Variants in CETN3 observed in about 807,000 individuals in gnomAD.
CETN3 encodes the protein centrin 3, also known as centrin-3.
A neutral mutation model predicts 20.1 loss-of-function variants in CETN3; 17 were observed. That is an observed-to-expected ratio of 0.85 (90% confidence interval 0.58 to 1.27). CETN3 has a LOEUF of 1.27. Ranked by LOEUF, CETN3 falls within the 50% of genes most tolerant of loss-of-function variation. The pLI is 0.00. For missense variants in CETN3, 169 were observed against 191.2 expected, an observed-to-expected ratio of 0.88 and a Z score of 0.69; for synonymous variants, 52 against 59.7, an observed-to-expected ratio of 0.87 and a Z score of 0.59.
At chr5:90,401,102 G>A (rs748822818) in intron 3 of CETN3, among the ~76,000 whole-genome samples, 1 of 152,138 alleles carries the variant, frequency 6.6e-6, no homozygotes, top group Non-Finnish European at 1.5e-5. Flanking sequence ...GGGTGATTGG[G>A]GAACAGATGG....
intron 3 of CETN3, among the ~76,000 whole-genome samples, chr5:90,401,247 T>C (rs986168216): frequency 1.3e-5 from 2 of 152,190 alleles, no homozygotes; most frequent in African/African-American, 2.4e-5. Flanking sequence ...TAAATGCTCA[T>C]CATTTTGGAC....
At chr5:90,405,440 C>G in intron 3 of CETN3, 1 of 455,246 alleles carries the variant, frequency 2.2e-6, no homozygotes, top group Non-Finnish European at 3.8e-6. Context: ...CTATAAAAAG[C>G]TACACAATAG....
At chr5:90,403,609 C>T (rs928260285) in intron 3 of CETN3, among the ~76,000 whole-genome samples, 1 of 152,042 alleles carries the variant, frequency 6.6e-6, no homozygotes, top group Non-Finnish European at 1.5e-5. Context: ...CGGTGGCTCA[C>T]GCCTGTAATC....
At position 90,409,749 on chromosome 5, in the gene CETN3, C is replaced by T. The variant is rs909216925; in HGVS notation, c.-88G>A. On this transcript the variant is annotated 5_prime_UTR_variant, in exon 1 of 5. In the 5' UTR this introduces an upstream ATG that the reference lacks. Transcript: ENST00000283122. ...GACGCCCACAGCCGTTCAACAGACA[C>T]GAACGACCTCAGCGGCCTCAGGGAC... 1.3e-6 allele frequency: 2 copies of T among 1,501,816 alleles called. No homozygotes were observed. The highest frequency in any genetic ancestry group is 1.9e-6 in the Non-Finnish European group (2 of 1,078,770). The allele number at this position is 1,501,816 out of a possible 1,614,324, so 93.0% of individuals were successfully genotyped here. A position where few individuals can be genotyped will look rare whatever the true frequency, so the allele number is the denominator to read the frequency against.
At chr5:90,405,028 T>C (rs993316480) in intron 3 of CETN3, among the ~76,000 whole-genome samples, 3 of 152,168 alleles carry the variant, frequency 2.0e-5, no homozygotes, top group Non-Finnish European at 4.4e-5. Context: ...TAAAATCAAC[T>C]ATAAAAAAAT....
rs778082394 is a variant in CETN3 at position 90,399,397 on chromosome 5, C to T, written c.421G>A (p.Ala141Thr). 6.2e-7 allele frequency: 1 copy of T among 1,614,004 alleles called. No homozygotes were observed. The highest frequency in any genetic ancestry group is 8.5e-7 in the Non-Finnish European group (1 of 1,179,958). Residue 141 changes from alanine (A) to threonine (T), a missense_variant, in exon 4 of 5, where the codon GCT (alanine) becomes ACT (threonine). By Grantham distance (58) the Ala-to-Thr change is moderately conservative (BLOSUM62 0). Transcript: ENST00000283122. ...GENMSDEELRAMIEEFDKDGD... is the reference protein window; with the variant it reads ...GENMSDEELRTMIEEFDKDGD... ...TCTTTGTCAAATTCTTCTATCATAG[C>T]TCGAAGTTCTTCATCACTCATGTTT...
intron 3 of CETN3, 116 bp downstream of exon 3, chr5:90,405,569 T>C: frequency 2.9e-6 from 2 of 686,262 alleles, no homozygotes; most frequent in South Asian, 1.7e-5. Context: ...AGTCACATTA[T>C]ACACCAGTGT....
intron 4 of CETN3, among the ~76,000 whole-genome samples, chr5:90,398,112 T>C (rs879689097): frequency 6.6e-6 from 1 of 152,108 alleles, no homozygotes; most frequent in African/African-American, 2.4e-5. Context: ...TTTATGTCTA[T>C]CTTGTAGTAC....
At chr5:90,406,896 A>G (rs1376777094) in intron 2 of CETN3, among the ~76,000 whole-genome samples, 1 of 151,678 alleles carries the variant, frequency 6.6e-6, no homozygotes, top group Non-Finnish European at 1.5e-5. Flanking sequence ...GAGGACTGCA[A>G]GATTGAGAAA....
Position 90,409,280 on chromosome 5 carries a change from T to C in CETN3, c.17+365A>G, listed in dbSNP as rs376150198. Among the ~76,000 whole-genome samples, 12 of 152,140 alleles carry C rather than the reference T, an allele frequency of 7.9e-5. No individual in the cohort carries two copies. The East Asian group carries it at 2.1e-3, about 27-fold the overall frequency. ...TGCATTAGCAGCGGAGCAGCCGAGGTGGGGCCCTGACCAGGCACACGGATG... is the reference window on the plus strand; with the variant it reads ...TGCATTAGCAGCGGAGCAGCCGAGGCGGGGCCCTGACCAGGCACACGGATG... On this transcript the variant is annotated intron_variant, in intron 1 of 4. Transcript: ENST00000283122.
Position 90,409,738 on chromosome 5 carries a change from T to C in CETN3, c.-77A>G. The C allele has an allele frequency of 6.4e-7, 1 of 1,568,792 alleles. No individual in the cohort carries two copies. The highest frequency in any genetic ancestry group is 8.8e-7 in the Non-Finnish European group (1 of 1,139,358). On this transcript the variant is annotated 5_prime_UTR_variant, in exon 1 of 5. Transcript: ENST00000283122. ...CAAGGCAGCAAGACGCCCACAGCCG[T>C]TCAACAGACACGAACGACCTCAGCG...
chr5:90,406,550 A>C (rs1044438854), intron 2 of CETN3, among the ~76,000 whole-genome samples: 1 of 151,920 alleles, frequency 6.6e-6, no homozygotes, highest in African/African-American at 2.4e-5. Context: ...GAAAGCAGTT[A>C]GCAAATGAAA....
intron 4 of CETN3, chr5:90,396,197 G>A: frequency 1.0e-6 from 1 of 985,314 alleles, no homozygotes; most frequent in Non-Finnish European, 1.2e-6. Flanking sequence ...ATGCCTCACA[G>A]AAATAAGCTA....
intron 4 of CETN3, among the ~76,000 whole-genome samples, chr5:90,394,909 G>T (rs75248391): frequency 3.9e-5 from 6 of 151,994 alleles, no homozygotes; most frequent in Admixed American, 6.6e-5. Flanking sequence ...ATATGCGCAC[G>T]TATCAATTAA....
chr5:90,406,604 C>T (rs1749450699), intron 2 of CETN3, among the ~76,000 whole-genome samples: 1 of 151,508 alleles, frequency 6.6e-6, no homozygotes, highest in South Asian at 2.1e-4. Flanking sequence ...CAGTAGAAAG[C>T]AAAGGAATCT....
intron 4 of CETN3, chr5:90,396,076 G>T (rs1322620481): frequency 1.1e-6 from 1 of 950,252 alleles, no homozygotes; most frequent in Non-Finnish European, 1.3e-6. Context: ...TTAGGTAAAG[G>T]TAAATCATTA....
intron 3 of CETN3, among the ~76,000 whole-genome samples, chr5:90,401,719 C>T (rs2151882975): frequency 6.6e-6 from 1 of 152,314 alleles, no homozygotes; most frequent in East Asian, 1.9e-4. Context: ...GTAACTGCAG[C>T]TGCCTCCCCT....
At chr5:90,401,941 T>C (rs1403786681) in intron 3 of CETN3, among the ~76,000 whole-genome samples, 1 of 152,228 alleles carries the variant, frequency 6.6e-6, no homozygotes, top group Non-Finnish European at 1.5e-5. Context: ...CCTCAACTCC[T>C]GGGCTCAAGC....
At chr5:90,397,651 A>G (rs1238299654) in intron 4 of CETN3, among the ~76,000 whole-genome samples, 1 of 152,170 alleles carries the variant, frequency 6.6e-6, no homozygotes, top group Non-Finnish European at 1.5e-5. Flanking sequence ...CTCCATAAAC[A>G]TAGAAGTCTA....
Sources: gnomAD v4.1 joint callset for allele counts (sites outside exome capture counted in the v4.1 genomes callset) on GRCh38, gnomAD v4.1.1 for gene constraint, MANE v1.5 for transcripts, NCBI Gene and HGNC (gene_info 2026-07-23, HGNC 2026-07-21) for gene names.